The following ADGRL2 variants were observed in gnomAD, a reference collection of about 807,000 sequenced individuals.
The protein encoded by ADGRL2 is calcium-independent alpha-latrotoxin receptor 2.
A neutral mutation model predicts 157.4 loss-of-function variants in ADGRL2; 44 were observed. The ratio of observed to expected loss-of-function variants is 0.28; its 90% CI spans 0.22 to 0.36. The LOEUF (loss-of-function observed/expected upper bound fraction) is 0.36. ADGRL2 is among the 10% of genes least tolerant of loss of function. The pLI, the probability that ADGRL2 is intolerant of heterozygous loss-of-function variation, is 1.00. For missense variants in ADGRL2, 1,510 were observed against 1,768.9 expected (o/e 0.85, Z 2.63); for synonymous variants, 585 against 624.7 (o/e 0.94, Z 0.95).
At position 81,497,076 on chromosome 1, in the gene ADGRL2, A is replaced by G. The variant is rs76284271; in HGVS notation, c.-248+51987A>G. ...ATTTCTGTAACCAAATATAAAGAGAACAAAAGGGCCAGGAATGACTTATAT... is the reference window on the plus strand; with the variant it reads ...ATTTCTGTAACCAAATATAAAGAGAGCAAAAGGGCCAGGAATGACTTATAT... On this transcript the variant is annotated intron_variant, in intron 2 of 24. Coordinates refer to the ADGRL2 transcript ENST00000370721. 8.8e-3 allele frequency among the ~76,000 whole-genome samples: 1,337 copies of G among 152,294 alleles called. 21 individuals carry two copies. Among genetic ancestry groups the G allele is most frequent in the African/African-American group, 0.031 (1,268 of 41,558 alleles).
In ADGRL2 at chr1:81,990,652, G is replaced by C; in HGVS notation, c.3917G>C (p.Ser1306Thr). The C allele has an allele frequency of 6.2e-7, 1 of 1,614,204 alleles. No individual in the cohort carries two copies. The highest frequency in any genetic ancestry group is 1.1e-5 in the South Asian group (1 of 91,086). Reference protein sequence around the residue: ...PVKPVIGGSSSEDDAIVADAS... With the variant: ...PVKPVIGGSSTEDDAIVADAS... Reference sequence around the variant, plus strand: ...AAACCTGTGATTGGAGGTAGCAGCAGTGAAGATGATGCTATTGTGGCAGAT... The same window carrying C: ...AAACCTGTGATTGGAGGTAGCAGCACTGAAGATGATGCTATTGTGGCAGAT... Residue 1306 changes from serine (S) to threonine (T), a missense_variant, in exon 24 of 24, where the codon AGT becomes ACT. Physicochemically the swap from Ser to Thr is moderately conservative, Grantham distance 58. Around this residue, in one of 4 missense-constraint regions of ADGRL2, gnomAD observed 327 missense variants for 310.1 expected, o/e 1.05. Coordinates refer to ENST00000686636, the MANE Select transcript of ADGRL2 (RefSeq NM_001366006.2).
intron 3 of ADGRL2, among the ~76,000 whole-genome samples, chr1:81,584,085 C>G (rs2080973816): frequency 6.6e-6 from 1 of 152,112 alleles, no homozygotes; most frequent in Admixed American, 6.6e-5. Context: ...CCTAAGAGTG[C>G]CTCCTTCAGA....
At chr1:81,553,238 T>G (rs1436687280) in intron 2 of ADGRL2, among the ~76,000 whole-genome samples, 1 of 152,206 alleles carries the variant, frequency 6.6e-6, no homozygotes, top group East Asian at 1.9e-4. Context: ...ATGCCATTTA[T>G]ATCTGCATAT....
chr1:81,934,376 A>G (rs2095278694), intron 3 of ADGRL2, among the ~76,000 whole-genome samples: 1 of 152,066 alleles, frequency 6.6e-6, no homozygotes, highest in Admixed American at 6.6e-5. Flanking sequence ...GACATTGAGA[A>G]ACATACAGTA....
chr1:81,334,832 A>G (rs1235855399), intron 1 of ADGRL2, among the ~76,000 whole-genome samples: 2 of 152,228 alleles, frequency 1.3e-5, no homozygotes, highest in Non-Finnish European at 2.9e-5. Flanking sequence ...AGTCAGGGAC[A>G]CTAAGAATCC....
At chr1:81,602,873 G>A (rs1012014434) in intron 3 of ADGRL2, among the ~76,000 whole-genome samples, 20 of 149,076 alleles carry the variant, frequency 1.3e-4, no homozygotes, top group African/African-American at 5.0e-4. Context: ...ACTCCAGCCT[G>A]GGCAACAGAG....
intron 2 of ADGRL2, among the ~76,000 whole-genome samples, chr1:81,540,768 G>A (rs1017821769): frequency 8.5e-5 from 13 of 152,184 alleles, no homozygotes; most frequent in African/African-American, 3.1e-4. Flanking sequence ...GGAAGGCAAT[G>A]AAGGGTTTCA....
At chr1:81,395,828 C>T (rs6698115) in intron 1 of ADGRL2, among the ~76,000 whole-genome samples, 1,758 of 152,214 alleles carry the variant, frequency 0.012, 34 homozygotes, top group African/African-American at 0.04. Context: ...TTCTTAGCAA[C>T]TTTGTCAAAA....
At chr1:81,361,939 T>G (rs995361656) in intron 1 of ADGRL2, among the ~76,000 whole-genome samples, 8 of 141,284 alleles carry the variant, frequency 5.7e-5, no homozygotes. Context: ...ACACTATGGT[T>G]TTTTTTTAGA....
chr1:81,966,197 CTT>C lies in ADGRL2; in HGVS notation c.2143+17_2143+18del, dbSNP rs745734303. The C allele has an allele frequency of 1.2e-6, 2 of 1,613,588 alleles. No individual in the cohort carries two copies. Among genetic ancestry groups the C allele is most frequent in the Non-Finnish European group, 1.7e-6 (2 of 1,179,882 alleles). On this transcript the variant is annotated intron_variant, in intron 12 of 23. Transcript: ENST00000686636. ...ACAGCAGGAATGGTAAGGTGGAAGT[CTT>C]TTAAAAATTGACAGTTTTTGTTGTT...
intron 1 of ADGRL2, among the ~76,000 whole-genome samples, chr1:81,829,412 T>C (rs893588847): frequency 6.6e-6 from 1 of 152,218 alleles, no homozygotes; most frequent in Non-Finnish European, 1.5e-5. Context: ...TAGACACAGA[T>C]ATAAATGGTA....
intron 1 of ADGRL2, among the ~76,000 whole-genome samples, chr1:81,328,643 A>T (rs1661060720): frequency 6.6e-6 from 1 of 152,128 alleles, no homozygotes; most frequent in African/African-American, 2.4e-5. Flanking sequence ...TAAACAGTGC[A>T]TCTTTCCACT....
chr1:81,670,402 A>G (rs950141379), intron 3 of ADGRL2, among the ~76,000 whole-genome samples: 2 of 152,166 alleles, frequency 1.3e-5, no homozygotes, highest in African/African-American at 4.8e-5. Flanking sequence ...ACTCCCACTG[A>G]TGGCAGTAGG....
At chr1:81,910,579 G>T (rs2094696982) in intron 3 of ADGRL2, among the ~76,000 whole-genome samples, 2 of 150,054 alleles carry the variant, frequency 1.3e-5, no homozygotes, top group Non-Finnish European at 3.0e-5. Context: ...TGCTGAGAAT[G>T]GATATCATTT....
At chr1:81,897,878 A>G (rs1403323224) in intron 2 of ADGRL2, among the ~76,000 whole-genome samples, 4 of 152,232 alleles carry the variant, frequency 2.6e-5, no homozygotes, top group African/African-American at 9.6e-5. Flanking sequence ...AACTGTTAAC[A>G]TTCTTCTTAG....
At chr1:81,402,611 C>A (rs540403570) in intron 1 of ADGRL2, among the ~76,000 whole-genome samples, 8 of 152,322 alleles carry the variant, frequency 5.3e-5, no homozygotes, top group African/African-American at 1.9e-4. Flanking sequence ...AAAATTCCTC[C>A]TGAACTTCCT....
chr1:81,444,352 T>A (rs2077562439), intron 1 of ADGRL2, among the ~76,000 whole-genome samples: 1 of 152,180 alleles, frequency 6.6e-6, no homozygotes, highest in Admixed American at 6.5e-5. Context: ...AGGGATATAA[T>A]CACCTAACAG....
chr1:81,737,592 C>T (rs1004223443), intron 1 of ADGRL2, among the ~76,000 whole-genome samples: 7 of 152,132 alleles, frequency 4.6e-5, no homozygotes, highest in African/African-American at 7.2e-5. Flanking sequence ...GTTTTCCTAA[C>T]TTATAAGTCT....
At chr1:81,446,126 A>G (rs1216828911) in intron 2 of ADGRL2, among the ~76,000 whole-genome samples, 1 of 152,142 alleles carries the variant, frequency 6.6e-6, no homozygotes, top group Non-Finnish European at 1.5e-5. Flanking sequence ...AAATGCCAGG[A>G]AAGAAAATAA....
Sources: allele counts gnomAD v4.1 joint callset (sites outside exome capture counted in the v4.1 genomes callset), GRCh38; gene constraint gnomAD v4.1.1; regional missense constraint gnomAD v4.1.1; transcripts MANE v1.5; gene names NCBI Gene and HGNC (gene_info 2026-07-23, HGNC 2026-07-21).